The following PSMD5 variants were observed in gnomAD, a reference collection of about 807,000 sequenced individuals.
PSMD5 encodes the protein 26S proteasome non-ATPase regulatory subunit 5.
Under a neutral mutation model 52.1 loss-of-function variants are expected in PSMD5, and 40 were observed. The ratio of observed to expected loss-of-function variants is 0.77; its 90% CI spans 0.60 to 1.00. The LOEUF (loss-of-function observed/expected upper bound fraction) is 1.00. Among genes scored for constraint, PSMD5 ranks in the 50% least tolerant of loss-of-function variants. PSMD5 has a pLI of 0.00. For missense variants in PSMD5, 575 were observed against 605.2 expected (o/e 0.95, Z 0.52); for synonymous variants, 211 against 226.6 (o/e 0.93, Z 0.62).
At chr9:120,833,533 TTGCG>T in intron 1 of PSMD5, 77 bp from the exon 2 acceptor site, 1 of 1,421,756 alleles carries the variant, frequency 7.0e-7, no homozygotes, top group Non-Finnish European at 9.6e-7. Flanking sequence ...TAGCTGAAGC[TTGCG>T]TCAGCGTCTC....
In PSMD5 at chr9:120,826,803, C is replaced by G. The variant is rs560016190; in HGVS notation, c.776G>C (p.Gly259Ala). Residue 259 changes from glycine (G) to alanine (A), a missense_variant, in exon 6 of 10, where the codon GGG (glycine) becomes GCG (alanine). Gly to Ala is a moderately conservative substitution (Grantham distance 60, BLOSUM62 0). Transcript: ENST00000210313. ...GCTAGAGAAAGGGTCTGAATCTGCC[C>G]CAACAATTATATTAGAAATTTGGTC... ...VIDQISNIIVGADSDPFSSFY... is the reference protein window; with the variant it reads ...VIDQISNIIVAADSDPFSSFY... 4.7e-5 allele frequency: 76 copies of G among 1,613,852 alleles called. No homozygotes were observed. The South Asian group carries it at 7.7e-4, about 16-fold the overall frequency.
intron 1 of PSMD5, among the ~76,000 whole-genome samples, chr9:120,836,927 T>C (rs1383721875): frequency 4.0e-5 from 6 of 151,242 alleles, no homozygotes; most frequent in South Asian, 2.1e-4. Context: ...TCTCACTCTG[T>C]TGCCCAGGCT....
intron 7 of PSMD5, among the ~76,000 whole-genome samples, chr9:120,822,945 C>T (rs2045096026): frequency 6.6e-6 from 1 of 152,110 alleles, no homozygotes. Context: ...TCTCCCACCT[C>T]AGCCTCCCGA....
intron 1 of PSMD5, among the ~76,000 whole-genome samples, chr9:120,841,574 T>C (rs527612986): frequency 1.3e-5 from 2 of 151,244 alleles, no homozygotes; most frequent in South Asian, 4.2e-4. Context: ...GCGAGACTCG[T>C]CTGAAAACAA....
intron 9 of PSMD5, among the ~76,000 whole-genome samples, chr9:120,819,454 C>G (rs1483937967): frequency 1.3e-5 from 2 of 152,094 alleles, no homozygotes; most frequent in African/African-American, 2.4e-5. Context: ...AGAGCAAAAC[C>G]AAAATAAACT....
At chr9:120,825,209 TTA>T (rs2045114155) in intron 6 of PSMD5, among the ~76,000 whole-genome samples, 1 of 149,196 alleles carries the variant, frequency 6.7e-6, no homozygotes, top group Non-Finnish European at 1.5e-5. Context: ...GTATTTTTAT[TTA>T]TGTTTTTGTT....
In PSMD5 at chr9:120,833,375, C is replaced by T. The variant is rs373225377; in HGVS notation, c.255G>A (p.Arg85=). ...GAATTAGTCCCCTCTGCAGGTCAACCCTGAGGTTCCGGGCCACGTGAACCG... is the reference window on the plus strand; with the variant it reads ...GAATTAGTCCCCTCTGCAGGTCAACTCTGAGGTTCCGGGCCACGTGAACCG... ...MEPVHVARNL[R]VDLQRGLIHP... is the part of the protein sequence containing the mutation. The change falls in exon 2 of 10, where the codon AGG becomes AGA. Residue 85 remains arginine (R), a synonymous_variant. Coordinates refer to ENST00000210313, the MANE Select transcript of PSMD5 (RefSeq NM_005047.4). 2.5e-6 allele frequency: 4 copies of T among 1,613,984 alleles called. No individual in the cohort carries two copies. The African/African-American group carries it at 5.3e-5, about 22-fold the overall frequency.
chr9:120,829,489 GTTCAA>G (rs1180319452), intron 4 of PSMD5, among the ~76,000 whole-genome samples: 1 of 152,148 alleles, frequency 6.6e-6, no homozygotes, highest in Non-Finnish European at 1.5e-5. Flanking sequence ...TGCCTCTTGA[GTTCAA>G]GCGATTCTCG....
At chr9:120,831,086 G>T (rs1352256499) in intron 4 of PSMD5, among the ~76,000 whole-genome samples, 2 of 152,076 alleles carry the variant, frequency 1.3e-5, no homozygotes, top group Admixed American at 6.6e-5. Flanking sequence ...GTCTCACTAT[G>T]TTGCCCAGGC....
intron 9 of PSMD5, among the ~76,000 whole-genome samples, chr9:120,818,645 C>G (rs752597152): frequency 8.6e-5 from 13 of 151,614 alleles, no homozygotes; most frequent in Non-Finnish European, 1.3e-4. Flanking sequence ...AAGATACTAT[C>G]TAAATCTTCA....
chr9:120,832,698 C>T (rs1217319423), intron 2 of PSMD5, among the ~76,000 whole-genome samples: 1 of 152,162 alleles, frequency 6.6e-6, no homozygotes, highest in African/African-American at 2.4e-5. Context: ...GCCCAGCGCC[C>T]TTTTTTGCTG....
At chr9:120,833,258 C>T in intron 2 of PSMD5, 54 bp downstream of exon 2, 1 of 1,569,676 alleles carries the variant, frequency 6.4e-7, no homozygotes. Context: ...TGTCCCAGTG[C>T]AGAACCTGGC....
At position 120,829,192 on chromosome 9, in the gene PSMD5, G is replaced by A; in HGVS notation, c.578C>T (p.Ser193Phe). ...YRVYELIIEI[S>F]SVSPESLNYC... ...GTTTAAAGATTCTGGTGACACGGAA[G>A]AAATCTCTATAATTAGCTGAAATAA... Residue 193 changes from serine (S) to phenylalanine (F), a missense_variant, in exon 5 of 10, where the codon TCT becomes TTT. Ser to Phe is a radical substitution (Grantham distance 155, BLOSUM62 -2). Coordinates refer to ENST00000210313, the MANE Select transcript of PSMD5 (RefSeq NM_005047.4). 1.9e-6 allele frequency: 3 copies of A among 1,590,396 alleles called. No homozygotes were observed. The highest frequency in any genetic ancestry group is 1.7e-6 in the Non-Finnish European group (2 of 1,169,684).
Position 120,833,456 on chromosome 9 carries a change from C to G in PSMD5, c.174G>C (p.Arg58Ser). Reference protein sequence around the residue: ...PLFSLLNENHREKTTLCVSIL... With the variant: ...PLFSLLNENHSEKTTLCVSIL... ...TGGATACACACAAAGTAGTCTTTTCCCTGAAGGAGACATCATAAATCTTAT... is the reference window on the plus strand; with the variant it reads ...TGGATACACACAAAGTAGTCTTTTCGCTGAAGGAGACATCATAAATCTTAT... Residue 58 changes from arginine to serine, a missense_variant and splice_region_variant, in exon 2 of 10, where the codon AGG (arginine) becomes AGC (serine). Arg to Ser is a moderately radical substitution (Grantham distance 110, BLOSUM62 -1). Transcript: ENST00000210313. 1 of 1,612,248 alleles carries G rather than the reference C, an allele frequency of 6.2e-7. No individual in the cohort carries two copies. The highest frequency in any genetic ancestry group is 8.5e-7 in the Non-Finnish European group (1 of 1,178,842).
At chr9:120,826,678 C>T (rs2045123931) in intron 6 of PSMD5, 87 bp downstream of exon 6, 17 of 1,442,638 alleles carry the variant, frequency 1.2e-5, no homozygotes, top group Non-Finnish European at 1.6e-5. Context: ...CAATCCCTGT[C>T]CACTCCCTAC....
intron 1 of PSMD5, among the ~76,000 whole-genome samples, chr9:120,839,786 TG>T (rs932625727): frequency 1.6e-3 from 242 of 148,062 alleles, no homozygotes; most frequent in African/African-American, 4.9e-3. Flanking sequence ...AATTATAAAA[TG>T]TTTTTTTAAT....
intron 3 of PSMD5, 44 bp downstream of exon 3, chr9:120,831,788 C>T: frequency 1.9e-6 from 3 of 1,580,508 alleles, no homozygotes; most frequent in Non-Finnish European, 2.6e-6. Flanking sequence ...TTTTGGGACA[C>T]CGATGTCTCT....
intron 7 of PSMD5, among the ~76,000 whole-genome samples, chr9:120,822,383 C>CT (rs1461043249): frequency 6.6e-6 from 1 of 152,148 alleles, no homozygotes; most frequent in Non-Finnish European, 1.5e-5. Flanking sequence ...CTTAACTCCT[C>CT]TAAGTTTCAT....
Position 120,842,769 on chromosome 9 carries a change from G to A in PSMD5, c.141C>T (p.Gly47=), listed in dbSNP as rs773163640. The A allele has an allele frequency of 6.8e-6, 11 of 1,613,092 alleles. No individual in the cohort carries two copies. The African/African-American group carries it at 1.5e-4, about 22-fold the overall frequency. The change falls in exon 1 of 10, where the codon GGC becomes GGT. Residue 47 remains glycine, a synonymous_variant. Transcript: ENST00000210313. Reference sequence around the variant, plus strand: ...TCTCGTTAAGCAGGGAGAAGAGCGGGCCGAGGCGCAGCTCCGCCGCTTGCT... The same window carrying A: ...TCTCGTTAAGCAGGGAGAAGAGCGGACCGAGGCGCAGCTCCGCCGCTTGCT... ...LRQQAAELRL[G]PLFSLLNENH...
Sources: allele counts gnomAD v4.1 joint callset (sites outside exome capture counted in the v4.1 genomes callset), GRCh38; gene constraint gnomAD v4.1.1; transcripts MANE v1.5; gene names NCBI Gene and HGNC (gene_info 2026-07-23, HGNC 2026-07-21).